TNIK: variants seen among roughly 807,000 people sequenced by gnomAD.
The protein encoded by TNIK is TRAF2 and NCK-interacting protein kinase.
TNIK carries 49 observed loss-of-function variants against 191.3 expected under a neutral mutation model. That is an observed-to-expected ratio of 0.26 (90% confidence interval 0.20 to 0.32). The LOEUF is 0.32. Ranked by LOEUF, TNIK falls within the 10% of genes least tolerant of loss-of-function variation. TNIK has a pLI of 1.00. For missense variants in TNIK, 1,155 were observed against 1,702.3 expected, an observed-to-expected ratio of 0.68 and a Z score of 5.66; for synonymous variants, 594 against 600.9, an observed-to-expected ratio of 0.99 and a Z score of 0.17.
chr3:171,448,801 G>A (rs1181462479), intron 1 of TNIK, among the ~76,000 whole-genome samples: 2 of 151,966 alleles, frequency 1.3e-5, no homozygotes, highest in African/African-American at 2.4e-5. Flanking sequence ...TGTACAGAAC[G>A]TGCAGGTTTG....
chr3:171,141,548 CT>C (rs1730841929), intron 12 of TNIK, among the ~76,000 whole-genome samples: 1 of 152,216 alleles, frequency 6.6e-6, no homozygotes, highest in African/African-American at 2.4e-5. Flanking sequence ...GCCATTACCC[CT>C]CTCTGGAGCA....
intron 2 of TNIK, among the ~76,000 whole-genome samples, chr3:171,256,177 T>A (rs773299340): frequency 6.6e-6 from 1 of 151,952 alleles, no homozygotes; most frequent in Non-Finnish European, 1.5e-5. Context: ...CCAAGCCTTG[T>A]TTTTTTTCAT....
rs540515270 is a variant in TNIK, at chr3:171,070,473, CAG to C, written c.3549+748_3549+749del. On this transcript the variant is annotated intron_variant, in intron 29 of 32. Transcript: ENST00000436636. ...GAGAGAGAGAGAGACAGAGAGAGAT[CAG>C]AGAGAGAGAGTGAGAGAAAACAGAA... Among the ~76,000 whole-genome samples the C allele has an allele frequency of 4.0e-5, 6 of 151,768 alleles. No homozygotes were observed. The South Asian group carries it at 6.2e-4, about 16-fold the overall frequency.
intron 22 of TNIK, among the ~76,000 whole-genome samples, chr3:171,098,733 T>C (rs1723053299): frequency 6.6e-6 from 1 of 152,048 alleles, no homozygotes; most frequent in Non-Finnish European, 1.5e-5. Flanking sequence ...TAACAAAAAA[T>C]AAAGGTAATA....
At chr3:171,459,639 C>T (rs1338869069) in intron 1 of TNIK, among the ~76,000 whole-genome samples, 1 of 150,934 alleles carries the variant, frequency 6.6e-6, no homozygotes, top group South Asian at 2.1e-4. Context: ...ACAGTCGGGT[C>T]TCGCGCCTTG....
intron 1 of TNIK, among the ~76,000 whole-genome samples, chr3:171,399,283 G>A (rs1560022612): frequency 6.6e-6 from 1 of 152,134 alleles, no homozygotes; most frequent in African/African-American, 2.4e-5. Context: ...AATTCAACAT[G>A]CAGTCTAAAA....
intron 1 of TNIK, among the ~76,000 whole-genome samples, chr3:171,370,490 C>A (rs1716339733): frequency 6.6e-6 from 1 of 152,176 alleles, no homozygotes; most frequent in Non-Finnish European, 1.5e-5. Context: ...CAATAAAATT[C>A]TATTCAGAGG....
chr3:171,410,941 A>T (rs1269327552), intron 1 of TNIK, among the ~76,000 whole-genome samples: 1 of 152,182 alleles, frequency 6.6e-6, no homozygotes, highest in African/African-American at 2.4e-5. Context: ...GGAAGCCACC[A>T]TTAATCCACT....
chr3:171,445,149 C>T (rs1727325691), intron 1 of TNIK, among the ~76,000 whole-genome samples: 1 of 151,980 alleles, frequency 6.6e-6, no homozygotes, highest in South Asian at 2.1e-4. Context: ...GTTGAGCGAG[C>T]CCAGGCATGG....
At chr3:171,268,685 T>C (rs572478197) in intron 2 of TNIK, among the ~76,000 whole-genome samples, 1 of 152,108 alleles carries the variant, frequency 6.6e-6, no homozygotes, top group Admixed American at 6.5e-5. Context: ...GAATGGAGTT[T>C]TCTTTTGGGA....
At chr3:171,271,287 C>A (rs1030639679) in intron 2 of TNIK, among the ~76,000 whole-genome samples, 8 of 152,196 alleles carry the variant, frequency 5.3e-5, no homozygotes, top group African/African-American at 1.9e-4. Context: ...GAGCCAGATA[C>A]TTTTTAAAAA....
chr3:171,430,680 GT>G (rs1190656393), intron 1 of TNIK, among the ~76,000 whole-genome samples: 2 of 148,064 alleles, frequency 1.4e-5, no homozygotes, highest in African/African-American at 4.9e-5. Flanking sequence ...AATTAATATT[GT>G]TTTAATCAAG....
At chr3:171,282,200 A>C (rs1750506083) in intron 2 of TNIK, among the ~76,000 whole-genome samples, 1 of 152,176 alleles carries the variant, frequency 6.6e-6, no homozygotes, top group South Asian at 2.1e-4. Flanking sequence ...CAAGATCTGT[A>C]TCCCAGCGAA....
At chr3:171,203,938 A>G (rs1739735989) in intron 4 of TNIK, among the ~76,000 whole-genome samples, 2 of 152,242 alleles carry the variant, frequency 1.3e-5, no homozygotes, top group South Asian at 4.1e-4. Context: ...TCAGAAGATG[A>G]TTACAAATTT....
intron 29 of TNIK, among the ~76,000 whole-genome samples, chr3:171,070,631 C>T (rs183412265): frequency 1.5e-3 from 223 of 152,228 alleles, no homozygotes; most frequent in Non-Finnish European, 2.7e-3. Context: ...ATATCCCCAT[C>T]CCACTCCTGG....
intron 1 of TNIK, among the ~76,000 whole-genome samples, chr3:171,447,857 A>G (rs890513236): frequency 6.6e-5 from 10 of 152,206 alleles, no homozygotes; most frequent in African/African-American, 1.9e-4. Context: ...ATCAACAGGA[A>G]CTGGTTAAAT....
At chr3:171,129,350 C>T (rs980323898) in intron 15 of TNIK, among the ~76,000 whole-genome samples, 4 of 152,280 alleles carry the variant, frequency 2.6e-5, no homozygotes, top group East Asian at 1.9e-4. Flanking sequence ...AGTGCATGCA[C>T]CCTGCATTTC....
chr3:171,223,423 C>G (rs1054383900), intron 3 of TNIK, among the ~76,000 whole-genome samples: 1 of 152,078 alleles, frequency 6.6e-6, no homozygotes, highest in Non-Finnish European at 1.5e-5. Context: ...CAGTGCCTAT[C>G]ATAAAGTAGA....
Position 171,282,335 on chromosome 3 carries a change from TTTTTTG to T in TNIK, c.124-54120_124-54115del, listed in dbSNP as rs1008536790. Among the ~76,000 whole-genome samples, 23 of 96,814 alleles carry T rather than the reference TTTTTTG, an allele frequency of 2.4e-4. 3 individuals are homozygous for T. The highest frequency in any genetic ancestry group is 3.9e-4 in the Admixed American group (4 of 10,202). 63.5% of individuals were successfully genotyped at this position (96,814 alleles called of 152,430 possible). On this transcript the variant is annotated intron_variant, in intron 2 of 32. Coordinates refer to ENST00000436636, the MANE Select transcript of TNIK (RefSeq NM_015028.4). ...AACTATCTGCAGATTCTCTTAATGG[TTTTTTG>T]TTTTTTTTTTTTTTTTTGAGATGGA...
Sources: allele counts gnomAD v4.1 joint callset (sites outside exome capture counted in the v4.1 genomes callset), GRCh38; gene constraint gnomAD v4.1.1; transcripts MANE v1.5; gene names NCBI Gene and HGNC (gene_info 2026-07-23, HGNC 2026-07-21).